USP25: variants seen among roughly 807,000 people sequenced by gnomAD.
The protein encoded by USP25 is ubiquitin carboxyl-terminal hydrolase 25.
In USP25, 85 loss-of-function variants were observed where a neutral mutation model predicts 158.5. The ratio of observed to expected loss-of-function variants is 0.54; its 90% CI spans 0.45 to 0.64. The LOEUF is 0.64. Ranked by LOEUF, USP25 falls within the 30% of genes least tolerant of loss-of-function variation. The pLI is 0.00. For missense variants in USP25, 1,242 were observed against 1,327.3 expected, an observed-to-expected ratio of 0.94 and a Z score of 1.00; for synonymous variants, 464 against 460.4, an observed-to-expected ratio of 1.01 and a Z score of -0.10.
intron 3 of USP25, among the ~76,000 whole-genome samples, chr21:15,767,321 T>C (rs1326990896): frequency 6.6e-6 from 1 of 152,108 alleles, no homozygotes. Flanking sequence ...CCTAGCCTAA[T>C]TTGTTCTGGT....
intron 9 of USP25, among the ~76,000 whole-genome samples, chr21:15,812,650 CAAAAA>C (rs557050769): frequency 9.3e-6 from 1 of 107,172 alleles, no homozygotes; most frequent in Non-Finnish European, 2.1e-5. Flanking sequence ...GACTCCGTCT[CAAAAA>C]AAAAAAAAAA....
chr21:15,758,110 C>G (rs141500431), intron 1 of USP25, among the ~76,000 whole-genome samples: 361 of 152,296 alleles, frequency 2.4e-3, no homozygotes, highest in African/African-American at 8.3e-3. Flanking sequence ...TAGACCTTAA[C>G]CCAGACCCTC....
At chr21:15,824,763 C>G (rs961340596) in intron 11 of USP25, among the ~76,000 whole-genome samples, 2 of 152,132 alleles carry the variant, frequency 1.3e-5, no homozygotes, top group African/African-American at 4.8e-5. Context: ...ATTACAGACA[C>G]CCACCATCGT....
At chr21:15,776,819 GAC>G (rs2034682709) in intron 3 of USP25, among the ~76,000 whole-genome samples, 1 of 152,052 alleles carries the variant, frequency 6.6e-6, no homozygotes, top group Non-Finnish European at 1.5e-5. Flanking sequence ...TAGCCTGGGT[GAC>G]ACAGTGAGAC....
chr21:15,853,041 T>C (rs1257690155), intron 20 of USP25, among the ~76,000 whole-genome samples: 1 of 152,176 alleles, frequency 6.6e-6, no homozygotes, highest in Non-Finnish European at 1.5e-5. Flanking sequence ...GTGTCTAAAA[T>C]AAAACTAACA....
chr21:15,748,480 T>C lies in USP25; in HGVS notation c.46-14411T>C, dbSNP rs577686966. Among the ~76,000 whole-genome samples the C allele has an allele frequency of 2.1e-4, 29 of 137,826 alleles. 2 individuals carry two copies. The South Asian group carries it at 6.7e-3, about 32-fold the overall frequency. The allele number at this position is 137,826 out of a possible 152,430, so 90.4% of individuals were successfully genotyped here. A position where few individuals can be genotyped will look rare whatever the true frequency, so the allele number is the denominator to read the frequency against. On this transcript the variant is annotated intron_variant, in intron 1 of 25. Coordinates refer to ENST00000400183, the MANE Select transcript of USP25 (RefSeq NM_001283041.3). ...TTTTTTTTTTTTTTTTTTTTTTTTTTGTAGAGATGGGGTCTCGCTCTGTTT... is the reference window on the plus strand; with the variant it reads ...TTTTTTTTTTTTTTTTTTTTTTTTTCGTAGAGATGGGGTCTCGCTCTGTTT...
intron 4 of USP25, among the ~76,000 whole-genome samples, chr21:15,785,296 A>G (rs554083409): frequency 6.6e-6 from 1 of 152,218 alleles, no homozygotes; most frequent in Non-Finnish European, 1.5e-5. Flanking sequence ...CCAGTACAAC[A>G]ATAGTAGGGA....
At chr21:15,799,254 T>G (rs932282118) in intron 5 of USP25, among the ~76,000 whole-genome samples, 9 of 151,290 alleles carry the variant, frequency 5.9e-5, no homozygotes, top group African/African-American at 1.7e-4. Context: ...CATCTTGAAG[T>G]CACGACATTT....
At chr21:15,762,585 G>T (rs893010803) in intron 1 of USP25, among the ~76,000 whole-genome samples, 4 of 152,026 alleles carry the variant, frequency 2.6e-5, no homozygotes, top group African/African-American at 9.7e-5. Flanking sequence ...TTCTTGTTAG[G>T]TGGCATAAAT....
At chr21:15,815,553 A>G (rs2036896691) in intron 9 of USP25, among the ~76,000 whole-genome samples, 1 of 152,192 alleles carries the variant, frequency 6.6e-6, no homozygotes, top group Non-Finnish European at 1.5e-5. Context: ...TACCTCTTGC[A>G]TCAGTGTGAC....
intron 10 of USP25, 104 bp downstream of exon 10, chr21:15,818,950 A>C (rs2037090578): frequency 1.5e-6 from 2 of 1,317,018 alleles, no homozygotes; most frequent in Admixed American, 4.3e-5. Flanking sequence ...TAATTGAGAG[A>C]GAATACTCAG....
In USP25 at chr21:15,875,178, CA is replaced by C. The variant is rs1223815104; in HGVS notation, c.3009+659del. ...CAGGTGACAGAGCAAGACTCTGTCT[CA>C]AAAAAACAAGAATATACATAGAATG... On this transcript the variant is annotated intron_variant, in intron 24 of 25. Coordinates refer to ENST00000400183, the MANE Select transcript of USP25 (RefSeq NM_001283041.3). This position sits in a 1 kb window ranked among gnomAD's most constrained non-coding sequence, Gnocchi z 4.7. Among the ~76,000 whole-genome samples the C allele has an allele frequency of 6.6e-6, 1 of 151,492 alleles. No homozygotes were observed. Among genetic ancestry groups the C allele is most frequent in the Admixed American group, 6.6e-5 (1 of 15,204 alleles).
chr21:15,773,493 A>G (rs1436817880), intron 3 of USP25, among the ~76,000 whole-genome samples: 1 of 151,842 alleles, frequency 6.6e-6, no homozygotes, highest in East Asian at 1.9e-4. Flanking sequence ...TTCCTCCCAG[A>G]GCGTGAGGGA....
At chr21:15,791,096 T>C (rs1483932143) in intron 4 of USP25, among the ~76,000 whole-genome samples, 1 of 151,878 alleles carries the variant, frequency 6.6e-6, no homozygotes, top group East Asian at 1.9e-4. Flanking sequence ...GTGCAACTTG[T>C]TCAGTTTTTA....
intron 14 of USP25, among the ~76,000 whole-genome samples, chr21:15,828,875 T>A (rs1318728983): frequency 6.6e-6 from 1 of 152,032 alleles, no homozygotes. Context: ...TTGACCTTGT[T>A]ATCCGCCCAC....
At chr21:15,859,991 ATTTT>A (rs58141554) in intron 20 of USP25, among the ~76,000 whole-genome samples, 29 of 131,110 alleles carry the variant, frequency 2.2e-4, no homozygotes, top group African/African-American at 8.0e-4. Context: ...ATATATCTAT[ATTTT>A]TTTTTTTTTT....
At chr21:15,862,948 C>G (rs951251983) in intron 20 of USP25, among the ~76,000 whole-genome samples, 2 of 151,818 alleles carry the variant, frequency 1.3e-5, no homozygotes, top group African/African-American at 4.8e-5. Context: ...CCATATAGAT[C>G]ATAACATCTA....
intron 3 of USP25, among the ~76,000 whole-genome samples, chr21:15,770,331 G>C (rs1047585267): frequency 2.8e-4 from 42 of 152,098 alleles, no homozygotes; most frequent in African/African-American, 9.9e-4. Flanking sequence ...CAACTGATGG[G>C]TGCAATTAGG....
At chr21:15,810,759 T>G (rs898974640) in intron 8 of USP25, among the ~76,000 whole-genome samples, 2 of 152,202 alleles carry the variant, frequency 1.3e-5, no homozygotes, top group Non-Finnish European at 2.9e-5. Context: ...TAAAAGTGGC[T>G]TTTCTTCCTT....
Sources: gnomAD v4.1 joint callset for allele counts (sites outside exome capture counted in the v4.1 genomes callset) on GRCh38, gnomAD v4.1.1 for gene constraint, Gnocchi (gnomAD v3.1) non-coding constraint, MANE v1.5 for transcripts, NCBI Gene and HGNC (gene_info 2026-07-23, HGNC 2026-07-21) for gene names.